The following ARHGAP8 variants were observed in gnomAD, a reference collection of about 807,000 sequenced individuals.
ARHGAP8 encodes rho GTPase-activating protein 8.
ARHGAP8 carries 62 observed loss-of-function variants against 46.1 expected under a neutral mutation model. The ratio of observed to expected loss-of-function variants is 1.34; its 90% confidence interval spans 1.10 to 1.66. The LOEUF (loss-of-function observed/expected upper bound fraction) is 1.66. ARHGAP8 is among the 40% of genes most tolerant of loss of function. ARHGAP8 has a pLI of 0.00. For synonymous variants in ARHGAP8, 375 were observed against 243.1 expected (o/e 1.54, Z -5.05); for missense variants, 923 against 568.4 (o/e 1.62, Z -6.34).
intron 7 of ARHGAP8, among the ~76,000 whole-genome samples, chr22:44,833,096 C>CTTTTCTT (rs535842585): frequency 1.1e-4 from 13 of 120,432 alleles, no homozygotes; most frequent in African/African-American, 2.4e-4. Context: ...CTTTTCTTTT[C>CTTTTCTT]TTTTTTTTTT....
intron 1 of ARHGAP8, among the ~76,000 whole-genome samples, chr22:44,785,606 G>A (rs937116552): frequency 2.0e-5 from 3 of 152,062 alleles, no homozygotes; most frequent in South Asian, 2.1e-4. Flanking sequence ...GTCACATTCC[G>A]AGCTCCAGGA....
chr22:44,793,876 G>C (rs1418460560), intron 2 of ARHGAP8, among the ~76,000 whole-genome samples: 1 of 152,208 alleles, frequency 6.6e-6, no homozygotes, highest in Non-Finnish European at 1.5e-5. Context: ...ACAGCGAAGG[G>C]TATTTACTCA....
At chr22:44,793,915 G>A (rs1355767948) in intron 2 of ARHGAP8, among the ~76,000 whole-genome samples, 5 of 152,194 alleles carry the variant, frequency 3.3e-5, no homozygotes, top group Admixed American at 1.3e-4. Context: ...ACACAGATGC[G>A]GCATTGATGG....
At chr22:44,796,242 C>T (rs561186733) in intron 2 of ARHGAP8, among the ~76,000 whole-genome samples, 3 of 152,292 alleles carry the variant, frequency 2.0e-5, no homozygotes, top group Middle Eastern at 3.4e-3. Flanking sequence ...GCCCGCCGTC[C>T]CTGCTTCTGC....
At chr22:44,825,070 C>G (rs187696243) in intron 6 of ARHGAP8, among the ~76,000 whole-genome samples, 316 of 151,356 alleles carry the variant, frequency 2.1e-3, no homozygotes, top group African/African-American at 7.3e-3. Flanking sequence ...GGCAGCAAGC[C>G]CTTTCCAGGC....
At chr22:44,835,972 C>T (rs926382005) in intron 7 of ARHGAP8, among the ~76,000 whole-genome samples, 2 of 152,178 alleles carry the variant, frequency 1.3e-5, no homozygotes, top group African/African-American at 4.8e-5. Flanking sequence ...GGGTGGGACA[C>T]TGGCCTCCCA....
intron 4 of ARHGAP8, chr22:44,808,688 C>A: frequency 1.5e-6 from 1 of 680,902 alleles, no homozygotes; most frequent in Non-Finnish European, 2.5e-6. Context: ...TCTCACCCAG[C>A]CACCATGGCT....
intron 7 of ARHGAP8, among the ~76,000 whole-genome samples, chr22:44,841,198 G>A (rs1931627738): frequency 1.3e-5 from 2 of 151,754 alleles, no homozygotes; most frequent in Admixed American, 1.3e-4. Flanking sequence ...ATTCAGGTAC[G>A]CGTCATGGCC....
intron 10 of ARHGAP8, among the ~76,000 whole-genome samples, chr22:44,858,622 C>G (rs966247765): frequency 6.9e-6 from 1 of 145,636 alleles, no homozygotes; most frequent in East Asian, 2.0e-4. Context: ...GTGCCTGCCT[C>G]GGCCTCCCAA....
chr22:44,782,004 T>C lies in ARHGAP8; in HGVS notation c.-71-4453T>C, dbSNP rs370955029. Among the ~76,000 whole-genome samples the C allele has an allele frequency of 5.9e-5, 9 of 152,070 alleles. No individual in the cohort carries two copies. In the East Asian group the frequency reaches 1.5e-3, roughly 26 times the overall value. Reference sequence around the variant, plus strand: ...CATGCACCACCGTGTCTAGCCCTTCTCTTTTAAATTGGACTGAAATTCGTG... The same window carrying C: ...CATGCACCACCGTGTCTAGCCCTTCCCTTTTAAATTGGACTGAAATTCGTG... On this transcript the variant is annotated intron_variant, in intron 1 of 11. Transcript: ENST00000356099.
chr22:44,860,124 G>A (rs549815269), intron 11 of ARHGAP8, among the ~76,000 whole-genome samples: 8 of 152,270 alleles, frequency 5.3e-5, no homozygotes, highest in South Asian at 2.1e-4. Context: ...CTGCCCCCAT[G>A]TCATTTCCTG....
chr22:44,827,336 G>GTTTTTTTTTTTTTTTTTTTTTT (rs796490147), intron 7 of ARHGAP8, among the ~76,000 whole-genome samples: 3 of 67,268 alleles, frequency 4.5e-5, no homozygotes, highest in Non-Finnish European at 7.7e-5. Flanking sequence ...TTGGGTGGTG[G>GTTTTTTTTTTTTTTTTTTTTTT]TTTTTTTTTT....
intron 1 of ARHGAP8, among the ~76,000 whole-genome samples, chr22:44,762,502 G>A (rs964551407): frequency 6.6e-6 from 1 of 150,918 alleles, no homozygotes; most frequent in Non-Finnish European, 1.5e-5. Flanking sequence ...AAAACCCTTG[G>A]AAGAGCATCT....
intron 2 of ARHGAP8, among the ~76,000 whole-genome samples, chr22:44,801,343 C>CAGATGTGT (rs1928523367): frequency 8.3e-6 from 1 of 119,912 alleles, no homozygotes; most frequent in African/African-American, 3.5e-5. Context: ...GTGAGGGGCA[C>CAGATGTGT]CTCTCCCCGC....
At chr22:44,849,205 G>T in intron 10 of ARHGAP8, 145 bp downstream of exon 10, 12 of 1,477,206 alleles carry the variant, frequency 8.1e-6, no homozygotes, top group Non-Finnish European at 1.0e-5. Context: ...CAGGGCAAGA[G>T]AGGGGGTTGT....
intron 7 of ARHGAP8, among the ~76,000 whole-genome samples, chr22:44,839,765 C>G (rs867881431): frequency 1.3e-5 from 2 of 152,208 alleles, no homozygotes; most frequent in Non-Finnish European, 2.9e-5. Flanking sequence ...TCATCATGAC[C>G]GAGTCTTCCG....
chr22:44,859,953 G>C (rs112958674), intron 11 of ARHGAP8, 119 bp downstream of exon 11: 26 of 1,178,468 alleles, frequency 2.2e-5, no homozygotes, highest in South Asian at 2.0e-4. Context: ...CTTGGGCCTC[G>C]GAATACCACT....
chr22:44,822,607 C>T (rs9941938), intron 6 of ARHGAP8, 138 bp downstream of exon 6: 6 of 705,372 alleles, frequency 8.5e-6, no homozygotes, highest in South Asian at 2.9e-5. Flanking sequence ...TCTGCGGCAT[C>T]GACAAAGATC....
At chr22:44,860,801 C>G (rs3830113) in intron 11 of ARHGAP8, among the ~76,000 whole-genome samples, 64,246 of 151,934 alleles carry the variant, frequency 0.42, 13,851 homozygotes, top group East Asian at 0.6. Context: ...CCCCCAACCC[C>G]CAGACCCACG....
Sources: gnomAD v4.1 joint callset for allele counts (sites outside exome capture counted in the v4.1 genomes callset) on GRCh38, gnomAD v4.1.1 for gene constraint, MANE v1.5 for transcripts, NCBI Gene and HGNC (gene_info 2026-07-23, HGNC 2026-07-21) for gene names.